Variants in CDC42SE2 observed in about 807,000 individuals in gnomAD.
CDC42SE2 encodes the protein CDC42 small effector 2, also known as CDC42 small effector protein 2.
A neutral mutation model predicts 11.5 loss-of-function variants in CDC42SE2; 3 were observed. That is an observed-to-expected ratio of 0.26 (90% confidence interval 0.12 to 0.67). CDC42SE2 has a LOEUF of 0.67. Ranked by LOEUF, CDC42SE2 falls within the 30% of genes least tolerant of loss-of-function variation. CDC42SE2 has a pLI of 0.80. For synonymous variants in CDC42SE2, 33 were observed against 34.8 expected, an observed-to-expected ratio of 0.95 and a Z score of 0.18; for missense variants, 82 against 106.8, an observed-to-expected ratio of 0.77 and a Z score of 1.02.
Position 131,295,126 on chromosome 5 carries a change from C to CAA in CDC42SE2, c.-454-20839_-454-20838dup, listed in dbSNP as rs71000989. On this transcript the variant is annotated intron_variant, in intron 1 of 4. Coordinates refer to ENST00000505065, the MANE Select transcript of CDC42SE2 (RefSeq NM_001375635.1). Reference sequence around the variant, plus strand: ...TGGGTGGCAGAGTGAGACTAAGTCTCAAAAAAAAAAAATAGGCATGGAGGT... The same window carrying CAA: ...TGGGTGGCAGAGTGAGACTAAGTCTCAAAAAAAAAAAAAATAGGCATGGAGGT... Among the ~76,000 whole-genome samples the CAA allele has an allele frequency of 9.1e-4, 130 of 143,184 alleles. No homozygotes were observed. In the Middle Eastern group the frequency reaches 0.014, roughly 15 times the overall value. The allele number at this position is 143,184 out of a possible 152,430, so 93.9% of individuals were successfully genotyped here.
At chr5:131,328,066 A>G (rs1454731481) in intron 2 of CDC42SE2, among the ~76,000 whole-genome samples, 3 of 152,156 alleles carry the variant, frequency 2.0e-5, no homozygotes, top group African/African-American at 7.2e-5. Context: ...CCTTTTTATA[A>G]TGAACCCATT....
chr5:131,256,459 G>A (rs1384639168), intron 2 of CDC42SE2, among the ~76,000 whole-genome samples: 3 of 152,216 alleles, frequency 2.0e-5, no homozygotes, highest in African/African-American at 7.2e-5. Context: ...AACTTAGTGG[G>A]CTGAAACAAC....
intron 1 of CDC42SE2, among the ~76,000 whole-genome samples, chr5:131,292,626 T>G (rs1043092111): frequency 9.8e-5 from 14 of 143,046 alleles, no homozygotes; most frequent in African/African-American, 3.7e-4. Flanking sequence ...GGGCTGGGTG[T>G]GGTGGCTTGT....
chr5:131,301,092 C>T (rs866736041), intron 1 of CDC42SE2, among the ~76,000 whole-genome samples: 1 of 152,106 alleles, frequency 6.6e-6, no homozygotes, highest in Non-Finnish European at 1.5e-5. Flanking sequence ...TGACCATACA[C>T]AAAATACACA....
chr5:131,363,136 C>CTA (rs569248603), intron 3 of CDC42SE2, among the ~76,000 whole-genome samples: 1 of 150,112 alleles, frequency 6.7e-6, no homozygotes, highest in Non-Finnish European at 1.5e-5. Context: ...GGGCAAGACT[C>CTA]TATCTAAAAA....
Position 131,392,293 on chromosome 5 carries a change from C to A in CDC42SE2, c.*1202C>A, listed in dbSNP as rs1196582995. 1.3e-5 allele frequency: 2 copies of A among 152,614 alleles called. No individual in the cohort carries two copies. Among genetic ancestry groups the A allele is most frequent in the East Asian group, 3.8e-4 (2 of 5,326 alleles). The allele number at this position is 152,614 out of a possible 1,614,324, so 9.5% of individuals were successfully genotyped here. ...GTATGAGACCCACAAGCACAATGATCATTTTTATTTGTTTGTTTGTTTGAA... is the reference window on the plus strand; with the variant it reads ...GTATGAGACCCACAAGCACAATGATAATTTTTATTTGTTTGTTTGTTTGAA... On this transcript the variant is annotated 3_prime_UTR_variant, in exon 5 of 5. Coordinates refer to ENST00000505065, the MANE Select transcript of CDC42SE2 (RefSeq NM_001375635.1).
intron 3 of CDC42SE2, among the ~76,000 whole-genome samples, chr5:131,361,057 T>TA (rs533533460): frequency 3.1e-4 from 46 of 150,710 alleles, no homozygotes; most frequent in African/African-American, 1.1e-3. Flanking sequence ...ATGTAAATCT[T>TA]AGAGTTTGTT....
At chr5:131,228,249 C>A in the CDC42SE2 span, among the ~76,000 whole-genome samples, 1 of 151,898 alleles carries the variant, frequency 6.6e-6, no homozygotes, top group Non-Finnish European at 1.5e-5. Flanking sequence ...TACCTGTAGT[C>A]CCAGCTACTC....
chr5:131,240,575 T>C (rs1756532667), upstream of CDC42SE2, among the ~76,000 whole-genome samples: 2 of 152,244 alleles, frequency 1.3e-5, no homozygotes, highest in African/African-American at 2.4e-5. Context: ...CATCCTTGCA[T>C]TGTGAGATCA....
intron 1 of CDC42SE2, among the ~76,000 whole-genome samples, chr5:131,264,665 CG>C (rs1319080072): frequency 6.6e-6 from 1 of 152,128 alleles, no homozygotes; most frequent in African/African-American, 2.4e-5. Flanking sequence ...GGTCCTGCCG[CG>C]GTTCGCCCCG....
chr5:131,391,849 T>C lies in CDC42SE2; in HGVS notation c.*758T>C, dbSNP rs900645708. The C allele has an allele frequency of 2.6e-5, 4 of 152,384 alleles. No homozygotes were observed. The highest frequency in any genetic ancestry group is 9.6e-5 in the African/African-American group (4 of 41,454). The allele number at this position is 152,384 out of a possible 1,614,324, so 9.4% of individuals were successfully genotyped here. On this transcript the variant is annotated 3_prime_UTR_variant, in exon 5 of 5. Coordinates refer to ENST00000505065, the MANE Select transcript of CDC42SE2 (RefSeq NM_001375635.1). ...TATAGGGTTATTGTGAATTTCTATATTTTCTCTGTCCACTATTCTGTAATT... is the reference window on the plus strand; with the variant it reads ...TATAGGGTTATTGTGAATTTCTATACTTTCTCTGTCCACTATTCTGTAATT...
chr5:131,375,316 G>A (rs1470350749), intron 3 of CDC42SE2, among the ~76,000 whole-genome samples: 1 of 152,080 alleles, frequency 6.6e-6, no homozygotes, highest in Non-Finnish European at 1.5e-5. Context: ...AGTAGGAAAA[G>A]GTTAGTTACC....
chr5:131,389,025 G>A (rs1372900120), intron 4 of CDC42SE2, among the ~76,000 whole-genome samples: 2 of 152,016 alleles, frequency 1.3e-5, no homozygotes, highest in Non-Finnish European at 2.9e-5. Context: ...TTGTAGAGAT[G>A]GGGTTTCGCT....
At chr5:131,305,842 T>G (rs565217072) in intron 1 of CDC42SE2, among the ~76,000 whole-genome samples, 2 of 152,230 alleles carry the variant, frequency 1.3e-5, no homozygotes, top group South Asian at 2.1e-4. Flanking sequence ...ACCAATGTCA[T>G]GTAACTATTT....
intron 1 of CDC42SE2, among the ~76,000 whole-genome samples, chr5:131,246,248 G>A: frequency 6.6e-6 from 1 of 152,148 alleles, no homozygotes; most frequent in East Asian, 1.9e-4. Flanking sequence ...CTGAGGTCAG[G>A]AGTTCAAGAC....
chr5:131,213,426 T>A, the CDC42SE2 span, among the ~76,000 whole-genome samples: 3,037 of 152,150 alleles, frequency 0.02, 102 homozygotes, highest in African/African-American at 0.065. Flanking sequence ...TACCAATTAT[T>A]TTTTTCTTTT....
intron 2 of CDC42SE2, among the ~76,000 whole-genome samples, chr5:131,358,820 G>A (rs758557563): frequency 2.0e-5 from 3 of 152,142 alleles, no homozygotes; most frequent in Non-Finnish European, 4.4e-5. Context: ...TGTCTGAGTT[G>A]TCTGTGAGAA....
chr5:131,333,365 T>G (rs1182845352), intron 2 of CDC42SE2, among the ~76,000 whole-genome samples: 1 of 152,216 alleles, frequency 6.6e-6, no homozygotes, highest in African/African-American at 2.4e-5. Flanking sequence ...GTTTGGTTAC[T>G]GTAGCCTTGT....
intron 1 of CDC42SE2, among the ~76,000 whole-genome samples, chr5:131,266,023 C>T (rs1185998263): frequency 6.6e-6 from 1 of 152,106 alleles, no homozygotes; most frequent in East Asian, 1.9e-4. Flanking sequence ...CTTGTGTTCA[C>T]CACTTACAAA....
Sources: gnomAD v4.1 joint callset for allele counts (sites outside exome capture counted in the v4.1 genomes callset) on GRCh38, gnomAD v4.1.1 for gene constraint, MANE v1.5 for transcripts, NCBI Gene and HGNC (gene_info 2026-07-23, HGNC 2026-07-21) for gene names.